The following FAM135A variants were observed in gnomAD, a reference collection of about 807,000 sequenced individuals.
FAM135A encodes protein FAM135A.
A neutral mutation model predicts 146.8 loss-of-function variants in FAM135A; 79 were observed. The ratio of observed to expected loss-of-function variants is 0.54; its 90% CI spans 0.45 to 0.65. The LOEUF (loss-of-function observed/expected upper bound fraction) is 0.65, where lower values mean the gene tolerates loss of function less well. Ranked by LOEUF, FAM135A falls within the 30% of genes least tolerant of loss-of-function variation. The pLI, the probability that FAM135A is intolerant of heterozygous loss-of-function variation, is 0.00. For missense variants in FAM135A, 1,623 were observed against 1,758.2 expected, an observed-to-expected ratio of 0.92 and a Z score of 1.38; for synonymous variants, 562 against 603.6, an observed-to-expected ratio of 0.93 and a Z score of 1.01.
Position 70,525,607 on chromosome 6 carries a change from C to T in FAM135A, c.2523C>T (p.Asn841=), listed in dbSNP as rs748444356. ...SEIQSSLTSI[N]SLPSDDELSP... ...TACAGTCATCTTTGACATCCATAAACTCTCTACCCTCCGATGATGAACTGT... is the reference window on the plus strand; with the variant it reads ...TACAGTCATCTTTGACATCCATAAATTCTCTACCCTCCGATGATGAACTGT... The change falls in exon 15 of 22, where the codon AAC becomes AAT. Residue 841 remains asparagine, a synonymous_variant. Coordinates refer to ENST00000418814, the MANE Select transcript of FAM135A (RefSeq NM_001162529.3). The T allele has an allele frequency of 4.3e-6, 7 of 1,613,396 alleles. No individual in the cohort carries two copies. In the African/African-American group the frequency reaches 5.3e-5, roughly 12 times the overall value.
At chr6:70,424,955 C>T (rs1769710522) in intron 2 of FAM135A, among the ~76,000 whole-genome samples, 2 of 151,992 alleles carry the variant, frequency 1.3e-5, no homozygotes, top group Non-Finnish European at 2.9e-5. Context: ...TTTGTTATAG[C>T]AGTATCTTAA....
At chr6:70,444,567 AAG>A (rs1775288322) in intron 4 of FAM135A, among the ~76,000 whole-genome samples, 2 of 152,130 alleles carry the variant, frequency 1.3e-5, no homozygotes, top group African/African-American at 4.8e-5. Context: ...CTGTCTCAAT[AAG>A]AAAAAGAATA....
At chr6:70,500,379 T>C (rs1467887455) in intron 11 of FAM135A, among the ~76,000 whole-genome samples, 1 of 152,226 alleles carries the variant, frequency 6.6e-6, no homozygotes, top group African/African-American at 2.4e-5. Context: ...TAGCAGTTCC[T>C]GTAACCTTTT....
At chr6:70,555,662 T>C (rs1191997736) in intron 20 of FAM135A, among the ~76,000 whole-genome samples, 1 of 152,082 alleles carries the variant, frequency 6.6e-6, no homozygotes, top group Non-Finnish European at 1.5e-5. Flanking sequence ...CATAGATGAT[T>C]CCCAAAGTAG....
At chr6:70,465,407 A>G (rs78307789) in intron 5 of FAM135A, among the ~76,000 whole-genome samples, 120 of 152,242 alleles carry the variant, frequency 7.9e-4, no homozygotes, top group African/African-American at 2.8e-3. Context: ...GCTGGATTAT[A>G]TAGTAGTTCT....
Position 70,533,223 on chromosome 6 carries a change from T to A in FAM135A, c.3839T>A (p.Ile1280Asn). 1 of 1,613,288 alleles carries A rather than the reference T, an allele frequency of 6.2e-7. No individual in the cohort carries two copies. The highest frequency in any genetic ancestry group is 8.5e-7 in the Non-Finnish European group (1 of 1,179,510). The change falls in exon 17 of 22, where the codon ATT (isoleucine) becomes AAT (asparagine). Residue 1280 changes from isoleucine (I) to asparagine (N), a missense_variant. Ile to Asn is a moderately radical substitution (Grantham distance 149). This residue lies in a region of FAM135A where 1,061 missense variants were observed against 1,113.8 expected (regional missense o/e 0.95). Transcript: ENST00000418814. ...YIELGLPGGRIDFLMSERNQN... is the reference protein window; with the variant it reads ...YIELGLPGGRNDFLMSERNQN... ...GAACTTGGATTGCCTGGGGGAAGAATTGATTTTCTTATGTCTGAGAGAAAT... is the reference window on the plus strand; with the variant it reads ...GAACTTGGATTGCCTGGGGGAAGAAATGATTTTCTTATGTCTGAGAGAAAT...
chr6:70,438,278 A>G (rs1433462226), intron 4 of FAM135A, among the ~76,000 whole-genome samples: 2 of 152,224 alleles, frequency 1.3e-5, no homozygotes, highest in East Asian at 1.9e-4. Flanking sequence ...ATAAATGCCT[A>G]CAAATTTAAA....
intron 2 of FAM135A, among the ~76,000 whole-genome samples, chr6:70,419,510 T>C (rs975518715): frequency 9.2e-5 from 14 of 152,232 alleles, no homozygotes; most frequent in Non-Finnish European, 1.5e-5. Context: ...GACTACCTAG[T>C]ATTAAATGTA....
chr6:70,422,225 T>C (rs2127722314), intron 2 of FAM135A, among the ~76,000 whole-genome samples: 1 of 152,180 alleles, frequency 6.6e-6, no homozygotes, highest in East Asian at 1.9e-4. Context: ...CTGATAGTGT[T>C]ACGCCAGCAA....
At chr6:70,417,404 G>A (rs1034535201) in intron 2 of FAM135A, among the ~76,000 whole-genome samples, 21 of 151,948 alleles carry the variant, frequency 1.4e-4, no homozygotes, top group Admixed American at 9.8e-4. Flanking sequence ...AGTAGAGATG[G>A]GGTTTCACCA....
intron 5 of FAM135A, among the ~76,000 whole-genome samples, chr6:70,457,581 CT>C (rs1229208093): frequency 6.6e-6 from 1 of 152,016 alleles, no homozygotes; most frequent in African/African-American, 2.4e-5. Flanking sequence ...CCTTCTTTGT[CT>C]TTTGAGAGAA....
At chr6:70,513,520 T>C (rs1202261247) in intron 12 of FAM135A, among the ~76,000 whole-genome samples, 1 of 151,820 alleles carries the variant, frequency 6.6e-6, no homozygotes, top group African/African-American at 2.4e-5. Flanking sequence ...TAGCTTCCTA[T>C]CTAGCTCCCC....
chr6:70,444,727 T>G (rs1488146697), intron 4 of FAM135A, among the ~76,000 whole-genome samples: 2 of 152,234 alleles, frequency 1.3e-5, no homozygotes, highest in African/African-American at 2.4e-5. Context: ...TTTTAGTGTT[T>G]CTTTCGCTGT....
chr6:70,414,341 T>C (rs1426681620), intron 1 of FAM135A, among the ~76,000 whole-genome samples: 4 of 152,212 alleles, frequency 2.6e-5, no homozygotes, highest in Non-Finnish European at 5.9e-5. Flanking sequence ...TCGCTTTGCA[T>C]TGGAGTTCAT....
At chr6:70,441,926 A>G (rs1774591848) in intron 4 of FAM135A, among the ~76,000 whole-genome samples, 1 of 151,964 alleles carries the variant, frequency 6.6e-6, no homozygotes, top group Non-Finnish European at 1.5e-5. Flanking sequence ...CTCGTGATCC[A>G]CCTGCCTTGG....
At chr6:70,528,183 T>C in intron 15 of FAM135A, 109 bp from the exon 16 acceptor site, 1 of 1,090,416 alleles carries the variant, frequency 9.2e-7, no homozygotes, top group East Asian at 2.6e-5. Flanking sequence ...TTCATGGTTT[T>C]AAAACCAAAT....
intron 4 of FAM135A, among the ~76,000 whole-genome samples, chr6:70,444,411 AAAT>A (rs1452606560): frequency 4.9e-5 from 4 of 81,614 alleles, no homozygotes; most frequent in Admixed American, 4.4e-4. Flanking sequence ...TCAAAAAAAT[AAAT>A]AAATAAATAA....
In FAM135A at chr6:70,447,004, C is replaced by T. The variant is rs528840032; in HGVS notation, c.78-5488C>T. 3.9e-5 allele frequency among the ~76,000 whole-genome samples: 6 copies of T among 152,344 alleles called. No individual in the cohort carries two copies. The East Asian group carries it at 9.6e-4, about 24-fold the overall frequency. On this transcript the variant is annotated intron_variant, in intron 4 of 21. Coordinates refer to ENST00000418814, the MANE Select transcript of FAM135A (RefSeq NM_001162529.3). ...GGTTGAATAGTCCCAGGTTGTCCATCGGGCCCTTCACAATGCAAAATATAA... is the reference window on the plus strand; with the variant it reads ...GGTTGAATAGTCCCAGGTTGTCCATTGGGCCCTTCACAATGCAAAATATAA...
intron 3 of FAM135A, 51 bp from the exon 4 acceptor site, chr6:70,428,253 G>T (rs1582025324): frequency 2.5e-6 from 2 of 810,582 alleles, no homozygotes; most frequent in Admixed American, 2.7e-5. Context: ...ATTTTTATAA[G>T]TTGGCATTTT....
Sources: allele counts gnomAD v4.1 joint callset (sites outside exome capture counted in the v4.1 genomes callset), GRCh38; gene constraint gnomAD v4.1.1; regional missense constraint gnomAD v4.1.1; transcripts MANE v1.5; gene names NCBI Gene and HGNC (gene_info 2026-07-23, HGNC 2026-07-21).